DEPDC5: variants seen among roughly 807,000 people sequenced by gnomAD.
DEPDC5 encodes GATOR1 complex protein DEPDC5.
Under a neutral mutation model 217.3 loss-of-function variants are expected in DEPDC5, and 73 were observed. The observed-to-expected ratio is 0.34, with a 90% CI of 0.28 to 0.41. The LOEUF (loss-of-function observed/expected upper bound fraction) is 0.41, where lower values mean the gene tolerates loss of function less well. Among genes scored for constraint, DEPDC5 ranks in the 10% least tolerant of loss-of-function variants. The pLI is 1.00. For synonymous variants in DEPDC5, 733 were observed against 756.7 expected (o/e 0.97, Z 0.51); for missense variants, 1,675 against 2,070.1 (o/e 0.81, Z 3.70).
In DEPDC5 at chr22:31,804,249, T is replaced by C. The variant is rs1252447762; in HGVS notation, c.1143+26T>C. The C allele has an allele frequency of 2.5e-6, 4 of 1,611,862 alleles. No homozygotes were observed. The South Asian group carries it at 4.4e-5, about 18-fold the overall frequency. ...GTAATTAGATTTCGGATTTGTTTAC[T>C]AAAGGCCAGTTGGAGTATAGTTAGA... On this transcript the variant is annotated intron_variant, in intron 16 of 42. Coordinates refer to ENST00000651528, the MANE Select transcript of DEPDC5 (RefSeq NM_001242896.3).
intron 27 of DEPDC5, among the ~76,000 whole-genome samples, chr22:31,840,417 G>A (rs535655391): frequency 6.6e-6 from 1 of 152,316 alleles, no homozygotes; most frequent in East Asian, 1.9e-4. Context: ...ATAAGCCGGA[G>A]GTGCAGCCAG....
rs201609075 is a variant in DEPDC5 at position 31,765,039 on chromosome 22, T to C, written c.258T>C (p.Tyr86=). 43 of 1,613,704 alleles carry C rather than the reference T, an allele frequency of 2.7e-5. No homozygotes were observed. The African/African-American group carries it at 5.6e-4, about 21-fold the overall frequency. ...GGCTGAGACCTTATCAGGATGTCTA[T>C]GTTAATGTCGTAGACCCTAAGGTAT... ...VFRLRPYQDV[Y]VNVVDPKDVT... is the part of the protein sequence containing the mutation. Residue 86 remains tyrosine, a synonymous_variant, in exon 5 of 43, where the codon TAT becomes TAC. Coordinates refer to ENST00000651528, the MANE Select transcript of DEPDC5 (RefSeq NM_001242896.3).
At chr22:31,819,672 G>A (rs778978485) in intron 22 of DEPDC5, among the ~76,000 whole-genome samples, 1 of 151,936 alleles carries the variant, frequency 6.6e-6, no homozygotes, top group Non-Finnish European at 1.5e-5. Context: ...GTTTCACCAT[G>A]TTGCCTAGGC....
At chr22:31,826,100 G>A (rs559467120) in intron 24 of DEPDC5, among the ~76,000 whole-genome samples, 236 of 152,056 alleles carry the variant, frequency 1.6e-3, no homozygotes, top group Middle Eastern at 3.4e-3. Flanking sequence ...TCTGCCTCCC[G>A]GGTTCAAGCA....
intron 33 of DEPDC5, among the ~76,000 whole-genome samples, chr22:31,867,057 G>C (rs1336612819): frequency 6.6e-6 from 1 of 152,194 alleles, no homozygotes; most frequent in Non-Finnish European, 1.5e-5. Context: ...CATATGTTCA[G>C]TGGAGTCCTT....
At chr22:31,878,791 C>T (rs1049675084) in intron 37 of DEPDC5, among the ~76,000 whole-genome samples, 13 of 151,910 alleles carry the variant, frequency 8.6e-5, no homozygotes, top group Non-Finnish European at 1.9e-4. Context: ...GTAATCCCAG[C>T]ACTTTGGGAG....
chr22:31,804,462 G>A (rs773941051), intron 16 of DEPDC5, among the ~76,000 whole-genome samples: 2 of 152,174 alleles, frequency 1.3e-5, no homozygotes, highest in Admixed American at 6.5e-5. Context: ...TTTTTGAGAC[G>A]ATGTCTTGTT....
intron 24 of DEPDC5, among the ~76,000 whole-genome samples, chr22:31,826,894 A>T (rs1033819423): frequency 6.7e-6 from 1 of 150,054 alleles, no homozygotes; most frequent in Non-Finnish European, 1.5e-5. Context: ...TTAATTATAC[A>T]TAGTTTTTTT....
chr22:31,785,826 A>G (rs1569520088), intron 10 of DEPDC5, among the ~76,000 whole-genome samples: 2 of 152,230 alleles, frequency 1.3e-5, no homozygotes, highest in African/African-American at 4.8e-5. Flanking sequence ...AGACAAGGGC[A>G]TCAAGTTCAT....
chr22:31,843,333 T>A, intron 28 of DEPDC5, 121 bp downstream of exon 28: 1 of 1,071,210 alleles, frequency 9.3e-7, no homozygotes, highest in Non-Finnish European at 1.4e-6. Flanking sequence ...TCTTTTGGAG[T>A]TTTGTTTGTT....
rs370318709 is a variant in DEPDC5, at chr22:31,838,707, A to G, written c.2377A>G (p.Met793Val). ...CAGGAGGGACGAAGATGGTGTGCAG[A>G]TGACAGCCCAGCAGGTATTTGAAGA... ...IDRRDEDGVQ[M>V]TAQQVFEEFI... The change falls in exon 27 of 43, where the codon ATG becomes GTG. Residue 793 changes from methionine (M) to valine (V), a missense_variant. Coordinates refer to ENST00000651528, the MANE Select transcript of DEPDC5 (RefSeq NM_001242896.3). The G allele has an allele frequency of 4.1e-5, 66 of 1,614,054 alleles. No homozygotes were observed. Among genetic ancestry groups the G allele is most frequent in the African/African-American group, 9.3e-5 (7 of 74,934 alleles).
intron 4 of DEPDC5, 69 bp downstream of exon 4, chr22:31,760,771 C>G: frequency 7.4e-7 from 1 of 1,348,114 alleles, no homozygotes; most frequent in Non-Finnish European, 1.0e-6. Flanking sequence ...AATCTCTCTT[C>G]ATAATTTCAA....
At chr22:31,864,937 C>T (rs190062916) in intron 33 of DEPDC5, among the ~76,000 whole-genome samples, 17 of 151,938 alleles carry the variant, frequency 1.1e-4, no homozygotes, top group South Asian at 4.2e-4. Context: ...GTGATCCACC[C>T]GCCTTGGCCT....
At position 31,841,835 on chromosome 22, in the gene DEPDC5, A is replaced by T. The variant is rs1189825815; in HGVS notation, c.2516-1260A>T. ...GGGGTTTTCCTTTTGATTTAGTTCT[A>T]GGAAGTCAGCCTGAATTAGTCTTAG... On this transcript the variant is annotated intron_variant, in intron 27 of 42. Coordinates refer to ENST00000651528, the MANE Select transcript of DEPDC5 (RefSeq NM_001242896.3). Among the ~76,000 whole-genome samples, 55 of 152,188 alleles carry T rather than the reference A, an allele frequency of 3.6e-4. 2 individuals carry two copies.
chr22:31,886,032 CAAAA>C (rs1234869480), intron 38 of DEPDC5, among the ~76,000 whole-genome samples: 1 of 105,200 alleles, frequency 9.5e-6, no homozygotes. Flanking sequence ...GACTCCCTCT[CAAAA>C]AAAAAAAAAA....
chr22:31,782,660 G>A (rs1355292396), intron 8 of DEPDC5, among the ~76,000 whole-genome samples: 5 of 152,128 alleles, frequency 3.3e-5, no homozygotes, highest in African/African-American at 1.2e-4. Context: ...TCATCACCTG[G>A]CACATCTTAG....
intron 34 of DEPDC5, 102 bp from the exon 35 acceptor site, chr22:31,873,153 C>G (rs765618033): frequency 1.4e-5 from 22 of 1,595,632 alleles, no homozygotes; most frequent in Non-Finnish European, 1.9e-5. Flanking sequence ...CAACATTGTC[C>G]TGGTTTCTGG....
chr22:31,836,751 CATGA>C (rs2091028192), intron 25 of DEPDC5: 1 of 511,230 alleles, frequency 2.0e-6, no homozygotes, highest in African/African-American at 2.0e-5. Flanking sequence ...ATCCCATTTG[CATGA>C]TGGGATTGGA....
intron 10 of DEPDC5, among the ~76,000 whole-genome samples, chr22:31,791,687 G>A (rs1197395099): frequency 3.3e-5 from 5 of 150,590 alleles, no homozygotes; most frequent in Non-Finnish European, 7.4e-5. Flanking sequence ...CCAGCACTTT[G>A]GGAGGCCAAG....
Sources: allele counts gnomAD v4.1 joint callset (sites outside exome capture counted in the v4.1 genomes callset), GRCh38; gene constraint gnomAD v4.1.1; transcripts MANE v1.5; gene names NCBI Gene and HGNC (gene_info 2026-07-23, HGNC 2026-07-21).